GGA2: variants seen among roughly 807,000 people sequenced by gnomAD.
GGA2 encodes ADP-ribosylation factor-binding protein GGA2.
Under a neutral mutation model 79.5 loss-of-function variants are expected in GGA2, and 48 were observed. The observed-to-expected ratio is 0.60, with a 90% CI of 0.48 to 0.77. The LOEUF (loss-of-function observed/expected upper bound fraction) is 0.77, where lower values mean the gene tolerates loss of function less well. Among genes scored for constraint, GGA2 ranks in the 30% least tolerant of loss-of-function variants. The pLI, the probability that GGA2 is intolerant of heterozygous loss-of-function variation, is 0.00. For synonymous variants in GGA2, 317 were observed against 302.0 expected (o/e 1.05, Z -0.51); for missense variants, 770 against 774.0 (o/e 0.99, Z 0.06).
At chr16:23,481,358 A>G (rs1029456646) in intron 9 of GGA2, among the ~76,000 whole-genome samples, 4 of 152,196 alleles carry the variant, frequency 2.6e-5, no homozygotes, top group African/African-American at 9.7e-5. Flanking sequence ...GGGCAGCAAG[A>G]GCGAAACTCC....
At chr16:23,488,537 C>A (rs113348656) in intron 6 of GGA2, 69 bp downstream of exon 6, 4 of 903,402 alleles carry the variant, frequency 4.4e-6, no homozygotes, top group Non-Finnish European at 7.4e-6. Flanking sequence ...CCGATTCAAG[C>A]ATCAAAGGGC....
intron 3 of GGA2, 130 bp from the exon 4 acceptor site, chr16:23,493,588 C>A: frequency 1.5e-6 from 1 of 652,872 alleles, no homozygotes; most frequent in Non-Finnish European, 2.7e-6. Context: ...TATGAGGACA[C>A]TGAAGTTTTG....
chr16:23,472,184 GTTTTTTTTTTTTTTTTT>G (rs749688834), intron 14 of GGA2, among the ~76,000 whole-genome samples: 3 of 54,838 alleles, frequency 5.5e-5, no homozygotes, highest in East Asian at 5.3e-4. Flanking sequence ...TGTAGCCCTG[GTTTTTTTTTTTTTTTTT>G]TTTTTTTTTT....
Position 23,510,349 on chromosome 16 carries a change from G to A in GGA2, c.63C>T (p.Gly21=). ...GCCACAGCTCCAGCGACGCTGCCGG[G>A]CCCGGGGGACCCTGGGCCGACTCGG... is the stretch of plus-strand genomic sequence containing the variant. ...AGTESAQGPP[G]PAASLELWLN... Residue 21 remains glycine (G), a synonymous_variant, in exon 1 of 17, where the codon GGC becomes GGT. Transcript: ENST00000309859. 1.4e-6 allele frequency: 2 copies of A among 1,435,896 alleles called. No homozygotes were observed. Among genetic ancestry groups the A allele is most frequent in the Admixed American group, 2.6e-5 (1 of 39,156 alleles). 88.9% of individuals were successfully genotyped at this position (1,435,896 alleles called of 1,614,324 possible).
chr16:23,470,483 C>G (rs1350959602), intron 14 of GGA2, among the ~76,000 whole-genome samples: 1 of 152,118 alleles, frequency 6.6e-6, no homozygotes, highest in African/African-American at 2.4e-5. Context: ...GAATTATCAG[C>G]CAGGCGTGGG....
At chr16:23,494,769 T>C (rs187881142) in intron 2 of GGA2, among the ~76,000 whole-genome samples, 117 of 152,310 alleles carry the variant, frequency 7.7e-4, no homozygotes, top group African/African-American at 9.9e-4. Flanking sequence ...TGGCCAAATA[T>C]GCGACACCAC....
At position 23,482,921 on chromosome 16, in the gene GGA2, A is replaced by G. The variant is rs111731731; in HGVS notation, c.880+2T>C. ...AGCTACACCCAAGGAAAGAAAACTT[A>G]CCGAGTGCATCATCGTCATCAGTGG... is the stretch of plus-strand genomic sequence containing the variant. On this transcript the variant is annotated splice_donor_variant, in intron 9 of 16. Transcript: ENST00000309859. LOFTEE classifies it high-confidence loss of function. The G allele has an allele frequency of 1.3e-6, 2 of 1,589,820 alleles. No individual in the cohort carries two copies. Among genetic ancestry groups the G allele is most frequent in the Non-Finnish European group, 8.6e-7 (1 of 1,157,844 alleles).
intron 1 of GGA2, 154 bp downstream of exon 1, chr16:23,510,167 T>G: frequency 2.5e-6 from 1 of 393,148 alleles, no homozygotes; most frequent in Non-Finnish European, 4.4e-6. Flanking sequence ...GGGGGACCCC[T>G]GGGCGATCTT....
chr16:23,486,602 T>G, intron 7 of GGA2, 108 bp downstream of exon 7: 1 of 777,802 alleles, frequency 1.3e-6, no homozygotes, highest in South Asian at 1.4e-5. Context: ...GGAGCCACTC[T>G]TTCTCCCAGG....
intron 6 of GGA2, among the ~76,000 whole-genome samples, 197 bp from the exon 7 acceptor site, chr16:23,486,987 T>TTTG (rs1450812809): frequency 6.7e-6 from 1 of 149,398 alleles, no homozygotes; most frequent in African/African-American, 2.4e-5. Context: ...TTCTGTTGTT[T>TTTG]TTTTTTTTTT....
upstream of GGA2, among the ~76,000 whole-genome samples, chr16:23,510,906 C>CGTGT (rs150030103): frequency 6.1e-3 from 299 of 48,958 alleles, 10 homozygotes; most frequent in African/African-American, 0.01. Flanking sequence ...TGGGTTTCAC[C>CGTGT]GTGTGTGTGT....
chr16:23,466,891 G>A lies in GGA2; in HGVS notation c.*699C>T, dbSNP rs897998887. On this transcript the variant is annotated 3_prime_UTR_variant, in exon 17 of 17. Transcript: ENST00000309859. The stretch of plus-strand genomic sequence containing the variant: ...AGGCCTGGGAGCTGCTTTCCCCTCT[G>A]CCCAGGAACTCTGTCCAGGGGCGAT... 6.5e-6 allele frequency: 1 copy of A among 152,770 alleles called. No homozygotes were observed. The highest frequency in any genetic ancestry group is 2.4e-5 in the African/African-American group (1 of 41,444). The allele number at this position is 152,770 out of a possible 1,614,324, so 9.5% of individuals were successfully genotyped here.
rs776177345 is a variant in GGA2, at chr16:23,510,327, A to C, written c.85T>G (p.Trp29Gly). ...GGCCTGCCAGGCTACTCACTGAGCC[A>C]CAGCTCCAGCGACGCTGCCGGGCCC... is the stretch of plus-strand genomic sequence containing the variant. ...PPGPAASLEL[W>G]LNKATDPSMS... Residue 29 changes from tryptophan (W) to glycine (G), a missense_variant, in exon 1 of 17, where the codon TGG becomes GGG. Trp to Gly is a radical substitution (Grantham distance 184). Coordinates refer to ENST00000309859, the MANE Select transcript of GGA2 (RefSeq NM_015044.4). 3.4e-5 allele frequency: 49 copies of C among 1,436,402 alleles called. No homozygotes were observed. The highest frequency in any genetic ancestry group is 4.0e-4 in the Middle Eastern group (2 of 4,996). 89.0% of individuals were successfully genotyped at this position (1,436,402 alleles called of 1,614,324 possible). A position where few individuals can be genotyped will look rare whatever the true frequency, so the allele number is the denominator to read the frequency against.
At chr16:23,468,344 A>G (rs1465247906) in intron 16 of GGA2, among the ~76,000 whole-genome samples, 2 of 151,510 alleles carry the variant, frequency 1.3e-5, no homozygotes, top group African/African-American at 4.9e-5. Context: ...TGCCCAGCTA[A>G]TTTTTGTATT....
intron 16 of GGA2, among the ~76,000 whole-genome samples, chr16:23,468,439 G>C (rs1427991917): frequency 6.6e-6 from 1 of 151,190 alleles, no homozygotes; most frequent in Non-Finnish European, 1.5e-5. Flanking sequence ...GCCTCCCAAA[G>C]TGCTGGGATT....
intron 14 of GGA2, among the ~76,000 whole-genome samples, chr16:23,471,110 G>A (rs1224763645): frequency 3.3e-5 from 5 of 151,676 alleles, no homozygotes; most frequent in African/African-American, 1.2e-4. Context: ...CAAAGTGCTG[G>A]GATTACAGGC....
chr16:23,486,633 A>G (rs1162251390), intron 7 of GGA2, 77 bp downstream of exon 7: 15 of 869,514 alleles, frequency 1.7e-5, no homozygotes, highest in Non-Finnish European at 3.0e-5. Flanking sequence ...TCTACCCCTC[A>G]AGCATAGGCT....
At chr16:23,475,401 G>A (rs909390940) in intron 13 of GGA2, among the ~76,000 whole-genome samples, 7 of 151,486 alleles carry the variant, frequency 4.6e-5, no homozygotes, top group Admixed American at 6.6e-5. Context: ...CGTTGGCCGC[G>A]CTGGTCTCAA....
chr16:23,498,788 A>G (rs1219210390), intron 1 of GGA2, among the ~76,000 whole-genome samples: 1 of 152,220 alleles, frequency 6.6e-6, no homozygotes, highest in East Asian at 1.9e-4. Context: ...CAGAAGCCAT[A>G]TCTTCCCTAC....
Sources: gnomAD v4.1 joint callset for allele counts (sites outside exome capture counted in the v4.1 genomes callset) on GRCh38, gnomAD v4.1.1 for gene constraint, MANE v1.5 for transcripts, NCBI Gene and HGNC (gene_info 2026-07-23, HGNC 2026-07-21) for gene names.